ALDH1A2: variants seen among roughly 807,000 people sequenced by gnomAD.
The protein encoded by ALDH1A2 is aldehyde dehydrogenase 1 family member A2.
Under a neutral mutation model 60.3 loss-of-function variants are expected in ALDH1A2, and 27 were observed. That is an observed-to-expected ratio of 0.45 (90% CI 0.33 to 0.62). The LOEUF is 0.62. Among genes scored for constraint, ALDH1A2 ranks in the 20% least tolerant of loss-of-function variants. The pLI, the probability that ALDH1A2 is intolerant of heterozygous loss-of-function variation, is 0.02. For missense variants in ALDH1A2, 581 were observed against 643.8 expected (o/e 0.90, Z 1.06); for synonymous variants, 289 against 232.4 (o/e 1.24, Z -2.21).
chr15:58,045,886 G>A (rs1399680405), intron 1 of ALDH1A2, among the ~76,000 whole-genome samples: 1 of 151,766 alleles, frequency 6.6e-6, no homozygotes, highest in East Asian at 1.9e-4. Context: ...CCACCTAAGG[G>A]AATTAAAATA....
At chr15:58,062,288 G>C (rs1270742277) in intron 1 of ALDH1A2, among the ~76,000 whole-genome samples, 1 of 152,068 alleles carries the variant, frequency 6.6e-6, no homozygotes, top group Non-Finnish European at 1.5e-5. Context: ...CCAAGAGAAA[G>C]ACAGCACAAC....
At chr15:57,986,246 A>G (rs1435361281) in intron 7 of ALDH1A2, among the ~76,000 whole-genome samples, 1 of 152,110 alleles carries the variant, frequency 6.6e-6, no homozygotes, top group Non-Finnish European at 1.5e-5. Flanking sequence ...TTGTGCCTAA[A>G]CTTTCTAGAT....
intron 7 of ALDH1A2, among the ~76,000 whole-genome samples, chr15:57,989,813 A>G (rs74017096): frequency 0.089 from 13,517 of 152,236 alleles, 618 homozygotes; most frequent in East Asian, 0.12. Context: ...ATACATGAAA[A>G]TAAATTCCAA....
chr15:57,964,938 G>A (rs1270160587), intron 8 of ALDH1A2: 2 of 151,962 alleles, frequency 1.3e-5, no homozygotes, highest in African/African-American at 4.8e-5. Flanking sequence ...TGAAATTCAA[G>A]CAATCTGCTT....
At chr15:58,028,711 C>G (rs1164795246) in intron 1 of ALDH1A2, among the ~76,000 whole-genome samples, 1 of 152,052 alleles carries the variant, frequency 6.6e-6, no homozygotes, top group Non-Finnish European at 1.5e-5. Context: ...GAATATCTAC[C>G]AAGCAAATGG....
At chr15:58,000,914 C>T (rs2140501662) in intron 4 of ALDH1A2, among the ~76,000 whole-genome samples, 1 of 151,476 alleles carries the variant, frequency 6.6e-6, no homozygotes, top group South Asian at 2.1e-4. Flanking sequence ...ATGGTTGCTT[C>T]ACAGTTGTCT....
intron 4 of ALDH1A2, among the ~76,000 whole-genome samples, chr15:58,001,791 ATCT>A (rs1367528782): frequency 6.6e-6 from 1 of 151,858 alleles, no homozygotes; most frequent in Non-Finnish European, 1.5e-5. Flanking sequence ...ATGGTTTTGG[ATCT>A]TCTTAGCAAA....
chr15:58,028,182 T>A (rs1896130237), intron 1 of ALDH1A2, among the ~76,000 whole-genome samples: 2 of 152,150 alleles, frequency 1.3e-5, no homozygotes, highest in South Asian at 4.1e-4. Context: ...TGGAAGCCCA[T>A]CAGACTAACA....
rs550553235 is a variant in ALDH1A2, at chr15:58,001,195, G to T, written c.494-6056C>A. ...AACAGAGAAAATATGGCACAGAGAG[G>T]TTAAGTCCAAAGTGGCACCACTGGT... is the stretch of plus-strand genomic sequence containing the variant. On this transcript the variant is annotated intron_variant, in intron 4 of 12. Transcript: ENST00000249750. Among the ~76,000 whole-genome samples the T allele has an allele frequency of 2.0e-5, 3 of 151,948 alleles. No homozygotes were observed. In the South Asian group the frequency reaches 6.2e-4, roughly 32 times the overall value.
intron 1 of ALDH1A2, among the ~76,000 whole-genome samples, chr15:58,062,753 T>G (rs1462461962): frequency 6.6e-6 from 1 of 152,230 alleles, no homozygotes; most frequent in Non-Finnish European, 1.5e-5. Context: ...TCCAGCTTGC[T>G]GTATTAGGGA....
Position 57,955,186 on chromosome 15 carries a change from T to G in ALDH1A2, c.*11A>C, listed in dbSNP as rs764306515. ...CGTGCAGGCTGGGCTTCATCCTCCT[T>G]CTTGGCCTTCTTAGGAGTTCTTCTG... On this transcript the variant is annotated 3_prime_UTR_variant, in exon 13 of 13. Coordinates refer to ENST00000249750, the MANE Select transcript of ALDH1A2 (RefSeq NM_003888.4). The G allele has an allele frequency of 1.2e-6, 2 of 1,613,772 alleles. No homozygotes were observed. The highest frequency in any genetic ancestry group is 1.7e-6 in the Non-Finnish European group (2 of 1,179,802).
At chr15:57,980,025 G>A (rs546588477) in intron 7 of ALDH1A2, 3 of 329,550 alleles carry the variant, frequency 9.1e-6, no homozygotes, top group African/African-American at 4.3e-5. Flanking sequence ...CCATCTGGAG[G>A]CCAATGATCG....
chr15:57,966,724 C>T (rs1392080738), intron 7 of ALDH1A2, among the ~76,000 whole-genome samples: 7 of 152,248 alleles, frequency 4.6e-5, no homozygotes, highest in African/African-American at 9.6e-5. Context: ...CTCTGAGGGA[C>T]GGTATATACT....
chr15:58,058,154 C>T, intron 1 of ALDH1A2: 2 of 1,315,098 alleles, frequency 1.5e-6, no homozygotes, highest in Non-Finnish European at 2.1e-6. Context: ...TTCATACAGG[C>T]ATTTCATAAT....
intron 7 of ALDH1A2, among the ~76,000 whole-genome samples, chr15:57,982,922 GT>G (rs1223373749): frequency 6.6e-6 from 1 of 152,116 alleles, no homozygotes; most frequent in African/African-American, 2.4e-5. Context: ...CCTACCAAGA[GT>G]TAACGACCCT....
In ALDH1A2 at chr15:57,976,851, A is replaced by G. The variant is rs1196692638; in HGVS notation, c.799-11024T>C. Among the ~76,000 whole-genome samples the G allele has an allele frequency of 9.9e-5, 15 of 152,150 alleles. 1 individual carries two copies. The highest frequency in any genetic ancestry group is 9.8e-4 in the Admixed American group (15 of 15,274). On this transcript the variant is annotated intron_variant, in intron 7 of 12. Coordinates refer to ENST00000249750, the MANE Select transcript of ALDH1A2 (RefSeq NM_003888.4). The stretch of plus-strand genomic sequence containing the variant: ...TGAGGAATTGCCACCATCTTCCACA[A>G]TGGTTGAACTAATTTATACTCCCAT...
chr15:58,058,304 A>G (rs907248578), intron 1 of ALDH1A2, among the ~76,000 whole-genome samples: 14 of 151,946 alleles, frequency 9.2e-5, no homozygotes, highest in African/African-American at 2.9e-4. Context: ...TTATTTTTGC[A>G]TATCTCGTGG....
chr15:58,021,643 C>A (rs1397088432), intron 1 of ALDH1A2, among the ~76,000 whole-genome samples: 1 of 152,216 alleles, frequency 6.6e-6, no homozygotes, highest in African/African-American at 2.4e-5. Context: ...GCAGCTACAG[C>A]AAGGCATCAT....
At position 58,021,677 on chromosome 15, in the gene ALDH1A2, C is replaced by G. The variant is rs2704198; in HGVS notation, c.118-7396G>C. Among the ~76,000 whole-genome samples, 203 of 152,370 alleles carry G rather than the reference C, an allele frequency of 1.3e-3. 1 individual carries two copies. The highest frequency in any genetic ancestry group is 4.1e-3 in the African/African-American group (169 of 41,588). On this transcript the variant is annotated intron_variant, in intron 1 of 12. Transcript: ENST00000249750. ...ATTTCCAAACCTAGCCTTTGACAAA[C>G]GTCGTGCTGTCCTGGGGCCCAGCAG...
Sources: gnomAD v4.1 joint callset for allele counts (sites outside exome capture counted in the v4.1 genomes callset) on GRCh38, gnomAD v4.1.1 for gene constraint, MANE v1.5 for transcripts, NCBI Gene and HGNC (gene_info 2026-07-23, HGNC 2026-07-21) for gene names.